The following DNAJB1 variants were observed in gnomAD, a reference collection of about 807,000 sequenced individuals.
The protein encoded by DNAJB1 is dnaJ homolog subfamily B member 1.
In DNAJB1, 14 loss-of-function variants were observed where a neutral mutation model predicts 24.0. That is an observed-to-expected ratio of 0.58 (90% CI 0.39 to 0.91). The LOEUF (loss-of-function observed/expected upper bound fraction) is 0.91, where lower values mean the gene tolerates loss of function less well. Ranked by LOEUF, DNAJB1 falls within the 40% of genes least tolerant of loss-of-function variation. The pLI, the probability that DNAJB1 is intolerant of heterozygous loss-of-function variation, is 0.00. For synonymous variants in DNAJB1, 262 were observed against 174.4 expected, an observed-to-expected ratio of 1.50 and a Z score of -3.96; for missense variants, 517 against 458.1, an observed-to-expected ratio of 1.13 and a Z score of -1.17.
chr19:14,517,246 C>G (rs1294061571), intron 1 of DNAJB1, 200 bp from the exon 2 acceptor site: 1 of 587,392 alleles, frequency 1.7e-6, no homozygotes, highest in Non-Finnish European at 3.0e-6. Context: ...TCCGCGTAGC[C>G]TGACAGTGGA....
intron 1 of DNAJB1, 199 bp downstream of exon 1, chr19:14,517,940 C>G (rs2072303134): frequency 2.0e-6 from 1 of 497,140 alleles, no homozygotes; most frequent in Non-Finnish European, 3.3e-6. Flanking sequence ...AAGCTTCTGG[C>G]CGAGCGGCTG....
At chr19:14,517,426 GGAAGA>G (rs1568380684) in intron 1 of DNAJB1, 2 of 191,572 alleles carry the variant, frequency 1.0e-5, no homozygotes, top group African/African-American at 4.7e-5. Context: ...ATGGTGCGTA[GGAAGA>G]GAAGAAAAAA....
At chr19:14,553,999 G>C (rs1338887810), upstream of DNAJB1, among the ~76,000 whole-genome samples, 1 of 152,204 alleles carries the variant, frequency 6.6e-6, no homozygotes, top group African/African-American at 2.4e-5. Flanking sequence ...TCCCCTGCGG[G>C]GTCCGAGAGA....
chr19:14,527,364 T>C (rs917808137), intron 2 of DNAJB1: 3 of 151,684 alleles, frequency 2.0e-5, no homozygotes, highest in Non-Finnish European at 4.4e-5. Context: ...GTACTTTTAG[T>C]AGAGATGGTT....
At chr19:14,526,787 A>G (rs1418221226) in intron 2 of DNAJB1, among the ~76,000 whole-genome samples, 1 of 152,188 alleles carries the variant, frequency 6.6e-6, no homozygotes, top group Non-Finnish European at 1.5e-5. Context: ...ATCACATTAA[A>G]TAAGTTGAAA....
chr19:14,516,074 C>T lies in DNAJB1; in HGVS notation c.889G>A (p.Val297Ile). 1 of 1,613,846 alleles carries T rather than the reference C, an allele frequency of 6.2e-7. No homozygotes were observed. The highest frequency in any genetic ancestry group is 8.5e-7 in the Non-Finnish European group (1 of 1,179,902). ...DVIRPGMRRK[V>I]PGEGLPLPKT... ...GGGAGGGGGAGGCCTTCTCCAGGAA[C>T]TTTTCGCCGCATGCCAGGCCTGATA... Residue 297 changes from valine to isoleucine, a missense_variant, in exon 3 of 3, where the codon GTT (valine) becomes ATT (isoleucine). Val to Ile is a conservative substitution (Grantham distance 29). Coordinates refer to ENST00000254322, the MANE Select transcript of DNAJB1 (RefSeq NM_006145.3).
chr19:14,530,432 A>G (rs140614119), upstream of DNAJB1: 11 of 152,284 alleles, frequency 7.2e-5, no homozygotes, highest in East Asian at 1.9e-4. Context: ...AATTCAACCA[A>G]TTATCCCTGA....
chr19:14,556,619 T>C (rs1423442600), intron 1 of DNAJB1, among the ~76,000 whole-genome samples: 2 of 151,968 alleles, frequency 1.3e-5, no homozygotes, highest in Non-Finnish European at 1.5e-5. Context: ...GAACAGTGCC[T>C]GGGGTATGGG....
upstream of DNAJB1, among the ~76,000 whole-genome samples, chr19:14,521,456 AAAT>A (rs111596555): frequency 4.6e-3 from 662 of 143,106 alleles, 4 homozygotes; most frequent in African/African-American, 0.01. Flanking sequence ...GAGAGTTTCA[AAAT>A]AATAATAATA....
chr19:14,516,865 G>A lies in DNAJB1; in HGVS notation c.393C>T (p.Phe131=), dbSNP rs532172007. Residue 131 remains phenylalanine, a synonymous_variant, in exon 2 of 3, where the codon TTC becomes TTT. Transcript: ENST00000254322. ...GEEGMDIDDP[F]SGFPMGMGGF... is the part of the protein sequence containing the mutation. ...CACCCATGCCCATAGGGAAGCCAGA[G>A]AATGGGTCATCAATGTCCATGCCTT... 5.4e-4 allele frequency: 868 copies of A among 1,614,146 alleles called. 7 individuals are homozygous for A. The South Asian group carries it at 8.8e-3, about 16-fold the overall frequency.
chr19:14,542,243 G>A (rs1188048299), intron 1 of DNAJB1, among the ~76,000 whole-genome samples: 3 of 151,634 alleles, frequency 2.0e-5, no homozygotes, highest in Admixed American at 2.0e-4. Context: ...GGGATTACAG[G>A]TGTGAGACAC....
At chr19:14,536,945 G>C (rs1461503805) in intron 1 of DNAJB1, among the ~76,000 whole-genome samples, 1 of 147,656 alleles carries the variant, frequency 6.8e-6, no homozygotes, top group East Asian at 2.0e-4. Flanking sequence ...TCTGGACACG[G>C]GGCAGATGTG....
intron 1 of DNAJB1, among the ~76,000 whole-genome samples, chr19:14,528,919 G>C (rs965809500): frequency 6.6e-6 from 1 of 152,148 alleles, no homozygotes; most frequent in African/African-American, 2.4e-5. Flanking sequence ...CTCCAGCTGG[G>C]GGACAGAACG....
At chr19:14,524,489 C>T (rs1366470102) in intron 2 of DNAJB1, among the ~76,000 whole-genome samples, 1 of 151,972 alleles carries the variant, frequency 6.6e-6, no homozygotes, top group East Asian at 1.9e-4. Flanking sequence ...TGCCACTGCA[C>T]ACTAGCCTGA....
upstream of DNAJB1, among the ~76,000 whole-genome samples, chr19:14,554,945 A>ATT (rs2073666847): frequency 6.6e-6 from 1 of 151,050 alleles, no homozygotes; most frequent in Admixed American, 6.6e-5. Flanking sequence ...TGCCCAGCTA[A>ATT]TTTTTGTATT....
intron 1 of DNAJB1, among the ~76,000 whole-genome samples, chr19:14,539,140 ATTTTTTTTTTTT>A (rs57801378): frequency 1.0e-3 from 96 of 92,550 alleles, no homozygotes; most frequent in African/African-American, 3.9e-3. Flanking sequence ...CGCCCGGCTA[ATTTTTTTTTTTT>A]TTTTTTTTTT....
chr19:14,555,076 CTTG>C (rs936729589), upstream of DNAJB1, among the ~76,000 whole-genome samples: 2 of 151,208 alleles, frequency 1.3e-5, no homozygotes, highest in African/African-American at 4.9e-5. Flanking sequence ...TGCGCCTGGC[CTTG>C]TTTTTTTTTT....
In DNAJB1 at chr19:14,516,961, A is replaced by T; in HGVS notation, c.297T>A (p.His99Gln). The change falls in exon 2 of 3, where the codon CAT (histidine) becomes CAA (glutamine). Residue 99 changes from histidine (H) to glutamine (Q), a missense_variant. Coordinates refer to ENST00000254322, the MANE Select transcript of DNAJB1 (RefSeq NM_006145.3). ...SFSYTFHGDP[H>Q]AMFAEFFGGR... ...CACCGAAGAACTCAGCAAACATGGCATGAGGGTCTCCATGGAATGTGTAGC... is the reference window on the plus strand; with the variant it reads ...CACCGAAGAACTCAGCAAACATGGCTTGAGGGTCTCCATGGAATGTGTAGC... 6.2e-7 allele frequency: 1 copy of T among 1,613,492 alleles called. No homozygotes were observed. The highest frequency in any genetic ancestry group is 8.5e-7 in the Non-Finnish European group (1 of 1,180,018).
intron 1 of DNAJB1, among the ~76,000 whole-genome samples, chr19:14,544,827 C>G (rs2073246296): frequency 6.6e-6 from 1 of 151,940 alleles, no homozygotes; most frequent in Non-Finnish European, 1.5e-5. Flanking sequence ...GAGATGGGGT[C>G]TTGCTGTGTT....
Sources: gnomAD v4.1 joint callset for allele counts (sites outside exome capture counted in the v4.1 genomes callset) on GRCh38, gnomAD v4.1.1 for gene constraint, MANE v1.5 for transcripts, NCBI Gene and HGNC (gene_info 2026-07-23, HGNC 2026-07-21) for gene names.